YBEY: variants seen among roughly 807,000 people sequenced by gnomAD.
YBEY encodes ybeY metalloendoribonuclease.
In YBEY, 15 loss-of-function variants were observed where a neutral mutation model predicts 13.5. That is an observed-to-expected ratio of 1.11 (90% CI 0.75 to 1.72). The LOEUF (loss-of-function observed/expected upper bound fraction) is 1.72, where lower values mean the gene tolerates loss of function less well. Among genes scored for constraint, YBEY ranks in the 40% most tolerant of loss-of-function variants. The pLI, the probability that YBEY is intolerant of heterozygous loss-of-function variation, is 0.00. For synonymous variants in YBEY, 101 were observed against 83.1 expected, an observed-to-expected ratio of 1.21 and a Z score of -1.17; for missense variants, 244 against 208.4, an observed-to-expected ratio of 1.17 and a Z score of -1.05.
chr21:46,301,151 T>C, downstream of YBEY: 4 of 803,880 alleles, frequency 5.0e-6, no homozygotes, highest in Non-Finnish European at 5.5e-6. Flanking sequence ...ACTTTTTTAT[T>C]TTATTTTTGA....
At chr21:46,308,552 G>A in the YBEY span, among the ~76,000 whole-genome samples, 12 of 152,314 alleles carry the variant, frequency 7.9e-5, 1 homozygote, top group East Asian at 2.3e-3. Context: ...CAGAAAGACT[G>A]AGGCAGGAAT....
the YBEY span, chr21:46,311,581 G>A: frequency 0.17 from 257,758 of 1,529,938 alleles, 27,709 homozygotes; most frequent in East Asian, 0.61. Context: ...GGAACAGCCA[G>A]GTGATTAGCT....
In YBEY at chr21:46,287,990, C is replaced by T. The variant is rs1233266331; in HGVS notation, c.210+867C>T. 2.0e-5 allele frequency among the ~76,000 whole-genome samples: 3 copies of T among 150,254 alleles called. 1 individual carries two copies. The highest frequency in any genetic ancestry group is 1.3e-4 in the Admixed American group (2 of 14,962). ...TCACACCATTGCACTCCAGCCTGGG[C>T]AAGAAGAGCGAAACTCTGTCTCAGG... On this transcript the variant is annotated intron_variant, in intron 2 of 4. Coordinates refer to ENST00000397701, the MANE Select transcript of YBEY (RefSeq NM_001314025.2).
chr21:46,294,367 T>C lies in YBEY; in HGVS notation c.340-1795T>C, dbSNP rs1323842239. Among the ~76,000 whole-genome samples the C allele has an allele frequency of 3.7e-5, 3 of 81,996 alleles. No individual in the cohort carries two copies. The South Asian group carries it at 1.7e-3, about 47-fold the overall frequency. The allele number at this position is 81,996 out of a possible 152,430, so 53.8% of individuals were successfully genotyped here. A position where few individuals can be genotyped will look rare whatever the true frequency, so the allele number is the denominator to read the frequency against. ...CTCTAGATTAAATTCCTCCCGCGGTTAGCCTGACCCGTGCCCGGGACTCAG... is the reference window on the plus strand; with the variant it reads ...CTCTAGATTAAATTCCTCCCGCGGTCAGCCTGACCCGTGCCCGGGACTCAG... On this transcript the variant is annotated intron_variant, in intron 3 of 4. Transcript: ENST00000397701.
chr21:46,292,557 C>T (rs1186811180), intron 3 of YBEY, among the ~76,000 whole-genome samples: 2 of 148,862 alleles, frequency 1.3e-5, no homozygotes, highest in East Asian at 1.9e-4. Flanking sequence ...GACAGCCACG[C>T]AAGTTAAACT....
chr21:46,290,298 C>G (rs13048011), intron 2 of YBEY, among the ~76,000 whole-genome samples: 61,487 of 151,542 alleles, frequency 0.41, 12,981 homozygotes, highest in Admixed American at 0.48. Flanking sequence ...CTCCGCCTCC[C>G]AGGTTCAAGC....
At chr21:46,303,705 CAAAA>C in the YBEY span, among the ~76,000 whole-genome samples, 8 of 37,600 alleles carry the variant, frequency 2.1e-4, no homozygotes, top group Non-Finnish European at 2.9e-4. Context: ...CACACACACA[CAAAA>C]TATATATATA....
At chr21:46,310,872 A>G in the YBEY span, among the ~76,000 whole-genome samples, 1 of 151,826 alleles carries the variant, frequency 6.6e-6, no homozygotes, top group African/African-American at 2.4e-5. Context: ...AGCTATTATT[A>G]TTATTATTAT....
At chr21:46,302,740 G>A (rs2082172579), downstream of YBEY, among the ~76,000 whole-genome samples, 1 of 148,384 alleles carries the variant, frequency 6.7e-6, no homozygotes, top group African/African-American at 2.5e-5. Flanking sequence ...CCCGGGGCGC[G>A]CCCTGAGCCC....
chr21:46,311,870 T>C, the YBEY span, among the ~76,000 whole-genome samples: 1 of 125,232 alleles, frequency 8.0e-6, no homozygotes, highest in African/African-American at 3.1e-5. Flanking sequence ...TACCCATCCA[T>C]CCAACCAGCC....
At chr21:46,310,821 A>C in the YBEY span, among the ~76,000 whole-genome samples, 3 of 151,026 alleles carry the variant, frequency 2.0e-5, no homozygotes, top group Non-Finnish European at 4.4e-5. Flanking sequence ...CTCTCTCTCT[A>C]AATAAATAAA....
At chr21:46,294,836 C>T (rs1225660440) in intron 3 of YBEY, among the ~76,000 whole-genome samples, 1 of 152,194 alleles carries the variant, frequency 6.6e-6, no homozygotes, top group Non-Finnish European at 1.5e-5. Context: ...CCTCCTTTGG[C>T]TGCACAGCCA....
intron 2 of YBEY, 117 bp downstream of exon 2, chr21:46,287,240 G>C: frequency 1.0e-6 from 1 of 998,260 alleles, no homozygotes; most frequent in Non-Finnish European, 1.4e-6. Context: ...CTGTCACCCA[G>C]GCTGGAGTGC....
the YBEY span, among the ~76,000 whole-genome samples, chr21:46,303,027 G>C: frequency 4.9e-3 from 752 of 152,230 alleles, 6 homozygotes; most frequent in African/African-American, 0.018. Context: ...AGCCAGGCGT[G>C]GTGGTTCAAG....
intron 3 of YBEY, among the ~76,000 whole-genome samples, chr21:46,295,202 C>T (rs984577403): frequency 6.6e-6 from 1 of 152,076 alleles, no homozygotes; most frequent in Non-Finnish European, 1.5e-5. Flanking sequence ...TTGGGGCTCC[C>T]TATTACCCTG....
chr21:46,299,547 T>A (rs903018553), downstream of YBEY, among the ~76,000 whole-genome samples: 1 of 152,186 alleles, frequency 6.6e-6, no homozygotes, highest in Non-Finnish European at 1.5e-5. Context: ...CTTCACGTTC[T>A]GTGTGGTTCC....
intron 2 of YBEY, among the ~76,000 whole-genome samples, chr21:46,290,986 A>G (rs2081676763): frequency 6.7e-6 from 1 of 149,554 alleles, no homozygotes. Flanking sequence ...CGGACACTCC[A>G]GCCTGGGCAA....
In YBEY at chr21:46,296,157, G is replaced by C. The variant is rs765837447; in HGVS notation, c.340-5G>C. 6.2e-7 allele frequency: 1 copy of C among 1,613,774 alleles called. No individual in the cohort carries two copies. Among genetic ancestry groups the C allele is most frequent in the South Asian group, 1.1e-5 (1 of 91,088 alleles). On this transcript the variant is annotated splice_region_variant and splice_polypyrimidine_tract_variant and intron_variant, in intron 3 of 4. Transcript: ENST00000397701. ...CTCTGAGCCGGTTTAAAATTATTCT[G>C]ACAGGTGACGGCCACCCACGGACTC... is the stretch of plus-strand genomic sequence containing the variant.
At chr21:46,300,815 G>A (rs763009129), downstream of YBEY, 3 of 1,280,268 alleles carry the variant, frequency 2.3e-6, no homozygotes, top group Non-Finnish European at 3.1e-6. Context: ...GTGAATGAAA[G>A]TTTATGTATA....
Sources: gnomAD v4.1 joint callset for allele counts (sites outside exome capture counted in the v4.1 genomes callset) on GRCh38, gnomAD v4.1.1 for gene constraint, MANE v1.5 for transcripts, NCBI Gene and HGNC (gene_info 2026-07-23, HGNC 2026-07-21) for gene names.